Variants in EPOR observed in about 807,000 individuals in gnomAD.
The protein encoded by EPOR is erythropoietin receptor.
In EPOR, 20 loss-of-function variants were observed where a neutral mutation model predicts 34.3. That is an observed-to-expected ratio of 0.58 (90% CI 0.41 to 0.85). EPOR has a LOEUF of 0.85. Among genes scored for constraint, EPOR ranks in the 40% least tolerant of loss-of-function variants. The pLI, the probability that EPOR is intolerant of heterozygous loss-of-function variation, is 0.00. For missense variants in EPOR, 601 were observed against 672.7 expected (o/e 0.89, Z 1.18); for synonymous variants, 312 against 299.0 (o/e 1.04, Z -0.45).
intron 6 of EPOR, among the ~76,000 whole-genome samples, chr19:11,379,689 A>G (rs1265315306): frequency 6.6e-6 from 1 of 150,762 alleles, no homozygotes; most frequent in East Asian, 1.9e-4. Context: ...ATACCACTCT[A>G]GCCATGTGGC....
rs1333973736 is a variant in EPOR at position 11,381,325 on chromosome 19, A to G, written c.586-116T>C. 2 of 1,144,676 alleles carry G rather than the reference A, an allele frequency of 1.7e-6. No homozygotes were observed. The highest frequency in any genetic ancestry group is 1.5e-5 in the African/African-American group (1 of 65,706). 70.9% of individuals were successfully genotyped at this position (1,144,676 alleles called of 1,614,324 possible). A position where few individuals can be genotyped will look rare whatever the true frequency, so the allele number is the denominator to read the frequency against. ...AGGAAAACGGTGCCCTAGAATTGCAATGGGACCAATAAGAGTAGGGGGAGG... is the reference window on the plus strand; with the variant it reads ...AGGAAAACGGTGCCCTAGAATTGCAGTGGGACCAATAAGAGTAGGGGGAGG... On this transcript the variant is annotated intron_variant, in intron 4 of 7. Coordinates refer to ENST00000222139, the MANE Select transcript of EPOR (RefSeq NM_000121.4). The surrounding 1 kb of genome is among the most constrained non-coding windows in gnomAD (Gnocchi z 5.3).
chr19:11,380,980 C>A lies in EPOR; in HGVS notation c.740-9G>T. Reference sequence around the variant, plus strand: ...GATGAGGGGGTCCAGGTCTAAGAGGCGGGGAGGAGGTCAGGGCGGTGGGCT... The same window carrying A: ...GATGAGGGGGTCCAGGTCTAAGAGGAGGGGAGGAGGTCAGGGCGGTGGGCT... On this transcript the variant is annotated splice_polypyrimidine_tract_variant and intron_variant, in intron 5 of 7. Coordinates refer to ENST00000222139, the MANE Select transcript of EPOR (RefSeq NM_000121.4). 6.4e-7 allele frequency: 1 copy of A among 1,553,006 alleles called. No homozygotes were observed. Among genetic ancestry groups the A allele is most frequent in the Non-Finnish European group, 8.7e-7 (1 of 1,147,560 alleles).
intron 6 of EPOR, among the ~76,000 whole-genome samples, chr19:11,380,371 C>A (rs1002331320): frequency 1.3e-5 from 2 of 152,192 alleles, no homozygotes; most frequent in Non-Finnish European, 2.9e-5. Flanking sequence ...AGTAAATGAA[C>A]AGGGCCATGA....
At chr19:11,384,003 G>T (rs892288143) in intron 1 of EPOR, 90 bp downstream of exon 1, 29 of 898,652 alleles carry the variant, frequency 3.2e-5, no homozygotes, top group Non-Finnish European at 4.5e-5. Flanking sequence ...CCAGAAACAG[G>T]CATGGCCCCC....
At position 11,382,114 on chromosome 19, in the gene EPOR, C is replaced by T. The variant is rs1430627683; in HGVS notation, c.252-9G>A. 1.9e-6 allele frequency: 3 copies of T among 1,612,026 alleles called. No homozygotes were observed. The highest frequency in any genetic ancestry group is 2.5e-6 in the Non-Finnish European group (3 of 1,178,800). On this transcript the variant is annotated splice_polypyrimidine_tract_variant and intron_variant, in intron 2 of 7. Coordinates refer to ENST00000222139, the MANE Select transcript of EPOR (RefSeq NM_000121.4). Reference sequence around the variant, plus strand: ...GCTTCCATGGCTCATCCCTATGCGCCCAGGGAAGGGAGCAGGTTGGGAGGG... The same window carrying T: ...GCTTCCATGGCTCATCCCTATGCGCTCAGGGAAGGGAGCAGGTTGGGAGGG...
In EPOR at chr19:11,381,239, T is replaced by C. The variant is rs1968353020; in HGVS notation, c.586-30A>G. The C allele has an allele frequency of 1.9e-6, 3 of 1,548,218 alleles. No individual in the cohort carries two copies. Among genetic ancestry groups the C allele is most frequent in the South Asian group, 1.2e-5 (1 of 83,988 alleles). ...GGGCGGAATCAGGGCGAGGGACGCGTAGCAGACAAAAATAGATGACGTGGG... is the reference window on the plus strand; with the variant it reads ...GGGCGGAATCAGGGCGAGGGACGCGCAGCAGACAAAAATAGATGACGTGGG... On this transcript the variant is annotated intron_variant, in intron 4 of 7. Coordinates refer to ENST00000222139, the MANE Select transcript of EPOR (RefSeq NM_000121.4). This position sits in a 1 kb window ranked among gnomAD's most constrained non-coding sequence, Gnocchi z 5.3.
chr19:11,379,764 G>C (rs146537963), intron 6 of EPOR, among the ~76,000 whole-genome samples: 3 of 150,892 alleles, frequency 2.0e-5, no homozygotes, highest in African/African-American at 7.3e-5. Context: ...GCGATGGCAC[G>C]ATCTCGGCTC....
At position 11,381,760 on chromosome 19, in the gene EPOR, G is replaced by A. The variant is rs1968364028; in HGVS notation, c.517C>T (p.Pro173Ser). Residue 173 changes from proline (P) to serine (S), a missense_variant, in exon 4 of 8, where the codon CCC becomes TCC. Physicochemically the swap from Pro to Ser is moderately conservative, Grantham distance 74. Transcript: ENST00000222139. This position sits in a 1 kb window ranked among gnomAD's most constrained non-coding sequence, Gnocchi z 5.3. ...VLRWLPPPET[P>S]MTSHIRYEVD... is the part of the protein sequence containing the mutation. ...TCGTAGCGGATGTGAGACGTCATGG[G>A]TGTCTCAGGCGGCGGGAGCCAGCGC... 1.9e-6 allele frequency: 3 copies of A among 1,613,310 alleles called. No individual in the cohort carries two copies. Among genetic ancestry groups the A allele is most frequent in the Non-Finnish European group, 2.5e-6 (3 of 1,179,774 alleles).
At position 11,378,886 on chromosome 19, in the gene EPOR, C is replaced by G; in HGVS notation, c.828-108G>C. 1 of 1,130,198 alleles carries G rather than the reference C, an allele frequency of 8.8e-7. No individual in the cohort carries two copies. The highest frequency in any genetic ancestry group is 1.3e-6 in the Non-Finnish European group (1 of 767,528). 70.0% of individuals were successfully genotyped at this position (1,130,198 alleles called of 1,614,324 possible). On this transcript the variant is annotated intron_variant, in intron 6 of 7. Coordinates refer to ENST00000222139, the MANE Select transcript of EPOR (RefSeq NM_000121.4). The surrounding 1 kb of genome is among the most constrained non-coding windows in gnomAD (Gnocchi z 5.3). ...CACAGATACACTTGGTCCCTGTGAT[C>G]ACAATGGAGGCAGAGGAGTACATCA...
At chr19:11,382,964 TTCCC>T (rs1444595651) in intron 2 of EPOR, 129 bp downstream of exon 2, 69 of 1,575,218 alleles carry the variant, frequency 4.4e-5, no homozygotes, top group African/African-American at 5.4e-5. Context: ...ACCCGCAGGT[TTCCC>T]TCCAGTGACC....
chr19:11,381,362 G>T lies in EPOR; in HGVS notation c.586-153C>A. On this transcript the variant is annotated intron_variant, in intron 4 of 7. Coordinates refer to ENST00000222139, the MANE Select transcript of EPOR (RefSeq NM_000121.4). The surrounding 1 kb of genome is among the most constrained non-coding windows in gnomAD (Gnocchi z 5.3). ...AGAGTAGGGGGAGGAGCCCAAGAAAGCTCAGGGCCAATCAGAGAGAGAGTC... is the reference window on the plus strand; with the variant it reads ...AGAGTAGGGGGAGGAGCCCAAGAAATCTCAGGGCCAATCAGAGAGAGAGTC... 1.2e-6 allele frequency: 1 copy of T among 842,604 alleles called. No homozygotes were observed. Among genetic ancestry groups the T allele is most frequent in the Non-Finnish European group, 1.9e-6 (1 of 531,140 alleles). 52.2% of individuals were successfully genotyped at this position (842,604 alleles called of 1,614,324 possible).
intron 2 of EPOR, 44 bp from the exon 3 acceptor site, chr19:11,382,149 G>A: frequency 6.4e-7 from 1 of 1,567,316 alleles, no homozygotes; most frequent in African/African-American, 1.3e-5. Context: ...GGGGACCGGG[G>A]AGTTGGCATT....
Position 11,378,394 on chromosome 19 carries a change from T to C in EPOR, c.1117A>G (p.Lys373Glu), listed in dbSNP as rs754612403. The C allele has an allele frequency of 6.2e-7, 1 of 1,613,708 alleles. No individual in the cohort carries two copies. The highest frequency in any genetic ancestry group is 1.1e-5 in the South Asian group (1 of 91,090). The part of the protein sequence containing the change: ...HAQDTYLVLD[K>E]WLLPRNPPSE... ...GGCGGGTTCCGGGGCAGCAACCATT[T>C]GTCCAGCACCAGATAGGTATCCTGG... The change falls in exon 8 of 8, where the codon AAA (lysine) becomes GAA (glutamate). Residue 373 changes from lysine (K) to glutamate (E), a missense_variant. Transcript: ENST00000222139. This position sits in a 1 kb window ranked among gnomAD's most constrained non-coding sequence, Gnocchi z 5.3.
chr19:11,383,686 C>T lies in EPOR; in HGVS notation c.115+407G>A, dbSNP rs542452128. On this transcript the variant is annotated intron_variant, in intron 1 of 7. Transcript: ENST00000222139. This position sits in a 1 kb window ranked among gnomAD's most constrained non-coding sequence, Gnocchi z 4.9. ...AGTGATCTGGCGCCCTCACACAAAC[C>T]GTGTTTACAGTAGCCTGTGGCTTGG... is the stretch of plus-strand genomic sequence containing the variant. 6.6e-6 allele frequency among the ~76,000 whole-genome samples: 1 copy of T among 152,076 alleles called. No individual in the cohort carries two copies. The highest frequency in any genetic ancestry group is 1.5e-5 in the Non-Finnish European group (1 of 67,998).
Position 11,381,041 on chromosome 19 carries a change from CG to C in EPOR, c.739+14del. On this transcript the variant is annotated intron_variant, in intron 5 of 7. Transcript: ENST00000222139. The surrounding 1 kb of genome is among the most constrained non-coding windows in gnomAD (Gnocchi z 5.3). ...TTCGCCCTGGCTCCTCCTACACCCC[CG>C]CCTGGGGCCTCACCGCTAGGCGTCA... 2 of 1,593,830 alleles carry C rather than the reference CG, an allele frequency of 1.3e-6. No homozygotes were observed. Among genetic ancestry groups the C allele is most frequent in the African/African-American group, 2.7e-5 (2 of 74,688 alleles).
chr19:11,378,470 C>T lies in EPOR; in HGVS notation c.1041G>A (p.Pro347=), dbSNP rs138884102. The change falls in exon 8 of 8, where the codon CCG becomes CCA. Residue 347 remains proline, a synonymous_variant. Transcript: ENST00000222139. The surrounding 1 kb of genome is among the most constrained non-coding windows in gnomAD (Gnocchi z 5.3). Reference sequence around the variant, plus strand: ...GCAGGGGGCCCTCATCATCTGTCCCCGGCTCCACTGCCTGCATCGTCCCCC... The same window carrying T: ...GCAGGGGGCCCTCATCATCTGTCCCTGGCTCCACTGCCTGCATCGTCCCCC... ...RCWGTMQAVE[P]GTDDEGPLLE... 1.1e-3 allele frequency: 1,756 copies of T among 1,614,192 alleles called. 3 individuals carry two copies. The highest frequency in any genetic ancestry group is 7.6e-3 in the Middle Eastern group (46 of 6,062).
rs368098451 is a variant in EPOR at position 11,381,011 on chromosome 19, C to A, written c.740-40G>T. ...GGAGGTCAGGGCGGTGGGCTTGCCC[C>A]GTGATTCGCCCTGGCTCCTCCTACA... On this transcript the variant is annotated intron_variant, in intron 5 of 7. Transcript: ENST00000222139. This position sits in a 1 kb window ranked among gnomAD's most constrained non-coding sequence, Gnocchi z 5.3. 123 of 1,566,316 alleles carry A rather than the reference C, an allele frequency of 7.9e-5. No homozygotes were observed. In the African/African-American group the frequency reaches 1.0e-3, roughly 13 times the overall value.
chr19:11,377,848 C>T lies in EPOR; in HGVS notation c.*136G>A. 4.9e-6 allele frequency: 5 copies of T among 1,025,588 alleles called. No homozygotes were observed. The highest frequency in any genetic ancestry group is 1.3e-5 in the South Asian group (1 of 78,868). 63.5% of individuals were successfully genotyped at this position (1,025,588 alleles called of 1,614,324 possible). ...TACTGCAAGGTTGTGGTTTCCTGAG[C>T]AGGATGGATTGGGCAGACAAAATCA... On this transcript the variant is annotated 3_prime_UTR_variant, in exon 8 of 8. Transcript: ENST00000222139.
Position 11,384,211 on chromosome 19 carries a change from A to G in EPOR, c.-4T>C, listed in dbSNP as rs1425589716. 6.5e-7 allele frequency: 1 copy of G among 1,529,646 alleles called. No individual in the cohort carries two copies. The highest frequency in any genetic ancestry group is 1.2e-5 in the South Asian group (1 of 83,660). The allele number at this position is 1,529,646 out of a possible 1,614,324, so 94.8% of individuals were successfully genotyped here. A position where few individuals can be genotyped will look rare whatever the true frequency, so the allele number is the denominator to read the frequency against. ...GGGACGCCCCGAGGTGGTCCATGAT[A>G]CAGCCCCCGCCACGGGGAGCCCAGG... On this transcript the variant is annotated 5_prime_UTR_variant, in exon 1 of 8. Transcript: ENST00000222139.
Sources: gnomAD v4.1 joint callset for allele counts (sites outside exome capture counted in the v4.1 genomes callset) on GRCh38, gnomAD v4.1.1 for gene constraint, Gnocchi (gnomAD v3.1) non-coding constraint, MANE v1.5 for transcripts, NCBI Gene and HGNC (gene_info 2026-07-23, HGNC 2026-07-21) for gene names.